The following AGAP1 variants were observed in gnomAD, a reference collection of about 807,000 sequenced individuals.
AGAP1 encodes the protein arf-GAP with GTPase, ANK repeat and PH domain-containing protein 1.
AGAP1 carries 29 observed loss-of-function variants against 105.3 expected under a neutral mutation model. The observed-to-expected ratio is 0.28, with a 90% confidence interval of 0.21 to 0.38. The LOEUF (loss-of-function observed/expected upper bound fraction) is 0.38. AGAP1 is among the 10% of genes least tolerant of loss of function. The pLI is 1.00. For missense variants in AGAP1, 998 were observed against 1,165.1 expected, an observed-to-expected ratio of 0.86 and a Z score of 2.09; for synonymous variants, 509 against 485.9, an observed-to-expected ratio of 1.05 and a Z score of -0.63.
At chr2:235,808,653 C>T (rs1016453658) in intron 9 of AGAP1, among the ~76,000 whole-genome samples, 25 of 152,186 alleles carry the variant, frequency 1.6e-4, no homozygotes, top group East Asian at 1.5e-3. Context: ...TCACAGGGCA[C>T]GCCTTTGCCA....
At chr2:235,533,449 T>A (rs1943109352) in intron 1 of AGAP1, among the ~76,000 whole-genome samples, 1 of 152,202 alleles carries the variant, frequency 6.6e-6, no homozygotes, top group African/African-American at 2.4e-5. Flanking sequence ...TTTGCTGTAT[T>A]ATAATTACTG....
Position 235,609,540 on chromosome 2 carries a change from TG to T in AGAP1, c.164-99638del, listed in dbSNP as rs1440624082. ...GTGCTGTGGTTATAGGCAGCCTACA[TG>T]TCTTGAGTTTTCAGTAGAGAAGGCC... On this transcript the variant is annotated intron_variant, in intron 1 of 17. Coordinates refer to ENST00000304032, the MANE Select transcript of AGAP1 (RefSeq NM_001037131.3). The surrounding 1 kb of genome is among the most constrained non-coding windows in gnomAD (Gnocchi z 5.1). Among the ~76,000 whole-genome samples the T allele has an allele frequency of 6.6e-6, 1 of 151,972 alleles. No individual in the cohort carries two copies. Among genetic ancestry groups the T allele is most frequent in the Admixed American group, 6.6e-5 (1 of 15,242 alleles).
In AGAP1 at chr2:235,992,427, T is replaced by C. The variant is rs2055609607; in HGVS notation, c.1645+23804T>C. ...TGTGCTTTGAGTGTCTGGCGTTCAG[T>C]GGCAGGGGACCCTCCATGTGGGGAC... On this transcript the variant is annotated intron_variant, in intron 13 of 17. Transcript: ENST00000304032. This position sits in a 1 kb window ranked among gnomAD's most constrained non-coding sequence, Gnocchi z 4.8. Among the ~76,000 whole-genome samples the C allele has an allele frequency of 6.6e-6, 1 of 152,188 alleles. No individual in the cohort carries two copies. Among genetic ancestry groups the C allele is most frequent in the South Asian group, 2.1e-4 (1 of 4,824 alleles).
Position 235,599,061 on chromosome 2 carries a change from G to A in AGAP1, c.163+104212G>A, listed in dbSNP as rs1945640785. ...TGCTGTCCTCGGAGCAGGTAGGAAT[G>A]TATTTATTTACTCGCATGCCTTCAG... On this transcript the variant is annotated intron_variant, in intron 1 of 17. Transcript: ENST00000304032. This position sits in a 1 kb window ranked among gnomAD's most constrained non-coding sequence, Gnocchi z 5.3. Among the ~76,000 whole-genome samples, 1 of 152,160 alleles carries A rather than the reference G, an allele frequency of 6.6e-6. No homozygotes were observed. Among genetic ancestry groups the A allele is most frequent in the Non-Finnish European group, 1.5e-5 (1 of 68,042 alleles).
intron 11 of AGAP1, among the ~76,000 whole-genome samples, chr2:235,911,414 T>G (rs1342712518): frequency 6.6e-6 from 1 of 152,178 alleles, no homozygotes; most frequent in Non-Finnish European, 1.5e-5. Context: ...CTGCTGAGTT[T>G]GAATAAAGGA....
At chr2:235,504,151 C>CTT (rs111875133) in intron 1 of AGAP1, among the ~76,000 whole-genome samples, 7 of 149,644 alleles carry the variant, frequency 4.7e-5, no homozygotes, top group Non-Finnish European at 6.0e-5. Context: ...CTCGAACTCT[C>CTT]TTTTTTTTTT....
Position 235,553,347 on chromosome 2 carries a change from T to C in AGAP1, c.163+58498T>C, listed in dbSNP as rs1051968367. ...AGAGGAAGTTGGGTTTTTTTTTGTC[T>C]TGGTCAGGTCACGATGTTCCTGTGA... On this transcript the variant is annotated intron_variant, in intron 1 of 17. Transcript: ENST00000304032. The surrounding 1 kb of genome is among the most constrained non-coding windows in gnomAD (Gnocchi z 4.5). Among the ~76,000 whole-genome samples, 1 of 152,048 alleles carries C rather than the reference T, an allele frequency of 6.6e-6. No homozygotes were observed. Among genetic ancestry groups the C allele is most frequent in the Admixed American group, 6.5e-5 (1 of 15,268 alleles).
intron 1 of AGAP1, among the ~76,000 whole-genome samples, chr2:235,678,265 T>C (rs1010432454): frequency 2.6e-5 from 4 of 152,198 alleles, no homozygotes; most frequent in African/African-American, 9.7e-5. Context: ...CCTGATCTGG[T>C]TCATGAACAC....
At chr2:235,539,673 C>G (rs1559233992) in intron 1 of AGAP1, among the ~76,000 whole-genome samples, 1 of 152,058 alleles carries the variant, frequency 6.6e-6, no homozygotes. Flanking sequence ...TAGCTGGAAT[C>G]TAGATCAACT....
intron 6 of AGAP1, among the ~76,000 whole-genome samples, chr2:235,756,559 T>G (rs1266474480): frequency 6.6e-6 from 1 of 152,174 alleles, no homozygotes; most frequent in Non-Finnish European, 1.5e-5. Flanking sequence ...TAGAATGAGC[T>G]GATAAAGATG....
At chr2:235,702,934 G>GTGTTTTTTTTTTTTTTT (rs1553609552) in intron 1 of AGAP1, among the ~76,000 whole-genome samples, 173 of 88,946 alleles carry the variant, frequency 1.9e-3, no homozygotes, top group Non-Finnish European at 2.8e-3. Context: ...AGTTTTCTTG[G>GTGTTTTTTTTTTTTTTT]TTTTTTTTTT....
intron 13 of AGAP1, among the ~76,000 whole-genome samples, chr2:235,995,105 T>TA (rs2055751825): frequency 7.4e-6 from 1 of 135,394 alleles, no homozygotes; most frequent in Non-Finnish European, 1.6e-5. Flanking sequence ...CAGAATAAGA[T>TA]ACAACAGTAT....
rs547853308 is a variant in AGAP1, at chr2:235,945,459, G to A, written c.1483+14536G>A. Reference sequence around the variant, plus strand: ...GGCCACAGTGCATGGCTGGAGAACAGCAGGATGTTGGTATCTGTTGCACAT... The same window carrying A: ...GGCCACAGTGCATGGCTGGAGAACAACAGGATGTTGGTATCTGTTGCACAT... On this transcript the variant is annotated intron_variant, in intron 12 of 17. Transcript: ENST00000304032. 5.9e-5 allele frequency among the ~76,000 whole-genome samples: 9 copies of A among 152,334 alleles called. 1 individual carries two copies. In the South Asian group the frequency reaches 1.9e-3, roughly 32 times the overall value.
intron 12 of AGAP1, among the ~76,000 whole-genome samples, chr2:235,939,216 T>C (rs1049869304): frequency 6.6e-6 from 1 of 152,096 alleles, no homozygotes; most frequent in African/African-American, 2.4e-5. Flanking sequence ...ATCTCTGCCT[T>C]CCTCTCCCTT....
At chr2:235,950,551 T>G (rs13418964) in intron 12 of AGAP1, among the ~76,000 whole-genome samples, 1 of 151,776 alleles carries the variant, frequency 6.6e-6, no homozygotes, top group Non-Finnish European at 1.5e-5. Flanking sequence ...GGATAGTCAC[T>G]GACGATTTTA....
At chr2:235,706,523 G>A (rs61369601) in intron 1 of AGAP1, among the ~76,000 whole-genome samples, 11,631 of 152,114 alleles carry the variant, frequency 0.076, 1,457 homozygotes, top group African/African-American at 0.26. Context: ...CCGGCCAAGC[G>A]TATACATATT....
Position 235,754,278 on chromosome 2 carries a change from A to T in AGAP1, c.673+3790A>T, listed in dbSNP as rs1264024332. Among the ~76,000 whole-genome samples, 6 of 152,022 alleles carry T rather than the reference A, an allele frequency of 3.9e-5. No individual in the cohort carries two copies. In the South Asian group the frequency reaches 1.2e-3, roughly 32 times the overall value. ...CAGCAGGGCCCCTGCCTGCTCGCCG[A>T]CTCAGTTTATTCACATTTCTTGATA... On this transcript the variant is annotated intron_variant, in intron 6 of 17. Coordinates refer to ENST00000304032, the MANE Select transcript of AGAP1 (RefSeq NM_001037131.3). The surrounding 1 kb of genome is among the most constrained non-coding windows in gnomAD (Gnocchi z 4.6).
intron 9 of AGAP1, among the ~76,000 whole-genome samples, chr2:235,859,900 C>T (rs1037469000): frequency 3.3e-5 from 5 of 152,316 alleles, no homozygotes; most frequent in African/African-American, 9.6e-5. Flanking sequence ...CTTGGCTGTG[C>T]GCAGCGCCTT....
Position 235,509,268 on chromosome 2 carries a change from C to T in AGAP1, c.163+14419C>T, listed in dbSNP as rs374657745. ...TTGAGATGGAGTCTGGCTCTGTCAC[C>T]CAGGCTGGAGTGCAGTGGTGCGATC... On this transcript the variant is annotated intron_variant, in intron 1 of 17. Transcript: ENST00000304032. 1.8e-3 allele frequency among the ~76,000 whole-genome samples: 271 copies of T among 152,178 alleles called. 1 individual carries two copies. The Middle Eastern group carries it at 0.034, about 19-fold the overall frequency.
Sources: gnomAD v4.1 joint callset for allele counts (sites outside exome capture counted in the v4.1 genomes callset) on GRCh38, gnomAD v4.1.1 for gene constraint, Gnocchi (gnomAD v3.1) non-coding constraint, MANE v1.5 for transcripts, NCBI Gene and HGNC (gene_info 2026-07-23, HGNC 2026-07-21) for gene names.